Variants in PCDHGB4 observed in about 807,000 individuals in gnomAD.
The protein encoded by PCDHGB4 is protocadherin gamma-B4.
In PCDHGB4, 38 loss-of-function variants were observed where a neutral mutation model predicts 60.5. The observed-to-expected ratio is 0.63, with a 90% CI of 0.48 to 0.82. The LOEUF is 0.82. Among genes scored for constraint, PCDHGB4 ranks in the 40% least tolerant of loss-of-function variants. PCDHGB4 has a pLI of 0.00. For synonymous variants in PCDHGB4, 456 were observed against 509.7 expected (o/e 0.89, Z 1.42); for missense variants, 1,109 against 1,209.6 (o/e 0.92, Z 1.23).
In PCDHGB4 at chr5:141,388,796, A is replaced by G; in HGVS notation, c.912A>G (p.Thr304=). The change falls in exon 1 of 4, where the codon ACA becomes ACG. Residue 304 remains threonine, a synonymous_variant. Coordinates refer to ENST00000519479, the MANE Select transcript of PCDHGB4 (RefSeq NM_003736.4). ...CCGGGGAAATTACTGTTTTAAATAC[A>G]TTAGATTTTGAAGAAGTCAAAGAAT... ...SNTGEITVLN[T]LDFEEVKEYS... is the part of the protein sequence containing the mutation. The G allele has an allele frequency of 6.2e-7, 1 of 1,613,952 alleles. No individual in the cohort carries two copies. The highest frequency in any genetic ancestry group is 8.5e-7 in the Non-Finnish European group (1 of 1,179,848).
rs1591227595 is a variant in PCDHGB4 at position 141,432,858 on chromosome 5, T to C, written c.2397+42577T>C. ...TACCTGGTGGTAGCGGTGGCCGCGG[T>C]CTCCTGCGTCTTCCTGGCCTTCGTC... On this transcript the variant is annotated intron_variant, in intron 1 of 3. Coordinates refer to ENST00000519479, the MANE Select transcript of PCDHGB4 (RefSeq NM_003736.4). This position sits in a 1 kb window ranked among gnomAD's most constrained non-coding sequence, Gnocchi z 6.0. The C allele has an allele frequency of 1.2e-6, 2 of 1,614,140 alleles. No individual in the cohort carries two copies. Among genetic ancestry groups the C allele is most frequent in the Non-Finnish European group, 8.5e-7 (1 of 1,179,996 alleles).
chr5:141,421,784 G>C, intron 1 of PCDHGB4: 1 of 1,613,874 alleles, frequency 6.2e-7, no homozygotes, highest in Non-Finnish European at 8.5e-7. Context: ...CTGCGGGGCA[G>C]AACGGATGGG....
At chr5:141,415,828 G>A (rs1178303711) in intron 1 of PCDHGB4, 4 of 1,293,274 alleles carry the variant, frequency 3.1e-6, no homozygotes, top group Non-Finnish European at 3.0e-6. Flanking sequence ...ATAAGGCTTT[G>A]TTATGATTAG....
At position 141,389,550 on chromosome 5, in the gene PCDHGB4, A is replaced by T. The variant is rs767434946; in HGVS notation, c.1666A>T (p.Asn556Tyr). The T allele has an allele frequency of 3.7e-6, 6 of 1,613,098 alleles. No individual in the cohort carries two copies. The African/African-American group carries it at 4.0e-5, about 11-fold the overall frequency. Residue 556 changes from asparagine (N) to tyrosine (Y), a missense_variant, in exon 1 of 4, where the codon AAT (asparagine) becomes TAT (tyrosine). Asn to Tyr is a moderately radical substitution (Grantham distance 143). Transcript: ENST00000519479. ...LRVLVDDRND[N>Y]APRVLYPALG... ...CGTGTTAGTGGACGACCGCAACGAC[A>T]ATGCGCCACGGGTGCTGTACCCCGC...
rs768114504 is a variant in PCDHGB4, at chr5:141,388,897, A to G, written c.1013A>G (p.Glu338Gly). The stretch of plus-strand genomic sequence containing the variant: ...ACAGTGGAGGTAGAAGTCATAGATG[A>G]AAATGACAACGCCCCAGAAGTGATA... ...QCTVEVEVID[E>G]NDNAPEVIFQ... is the part of the protein sequence containing the mutation. Residue 338 changes from glutamate (E) to glycine (G), a missense_variant, in exon 1 of 4, where the codon GAA (glutamate) becomes GGA (glycine). Transcript: ENST00000519479. 1 of 1,613,994 alleles carries G rather than the reference A, an allele frequency of 6.2e-7. No individual in the cohort carries two copies. Among genetic ancestry groups the G allele is most frequent in the Non-Finnish European group, 8.5e-7 (1 of 1,179,856 alleles).
intron 1 of PCDHGB4, among the ~76,000 whole-genome samples, chr5:141,425,919 GA>G (rs2096903434): frequency 6.6e-6 from 1 of 152,056 alleles, no homozygotes; most frequent in African/African-American, 2.4e-5. Flanking sequence ...CAGTCACTAC[GA>G]AAACTCATAA....
chr5:141,430,383 G>GAAA (rs139772145), intron 1 of PCDHGB4, among the ~76,000 whole-genome samples: 2 of 138,566 alleles, frequency 1.4e-5, no homozygotes, highest in South Asian at 4.6e-4. Flanking sequence ...AGCTCATTGG[G>GAAA]AAAAAAAAAA....
chr5:141,505,255 C>T (rs2099844853), intron 2 of PCDHGB4, 138 bp from the exon 3 acceptor site: 1 of 1,481,112 alleles, frequency 6.8e-7, no homozygotes, highest in Admixed American at 2.1e-5. Context: ...AGAAGTGCCT[C>T]CTACCTTGCT....
Position 141,431,975 on chromosome 5 carries a change from A to G in PCDHGB4, c.2397+41694A>G. 1 of 1,614,218 alleles carries G rather than the reference A, an allele frequency of 6.2e-7. No individual in the cohort carries two copies. Among genetic ancestry groups the G allele is most frequent in the Non-Finnish European group, 8.5e-7 (1 of 1,180,022 alleles). ...TTACGGAAATTACTATAGTTTAGTC[A>G]CAGACATAGTCTTGGATAGGGAACA... On this transcript the variant is annotated intron_variant, in intron 1 of 3. Transcript: ENST00000519479. The surrounding 1 kb of genome is among the most constrained non-coding windows in gnomAD (Gnocchi z 4.8).
intron 1 of PCDHGB4, chr5:141,423,751 G>GGC: frequency 2.9e-6 from 1 of 349,040 alleles, no homozygotes; most frequent in African/African-American, 6.5e-5. Context: ...AAAACTGTTT[G>GGC]GGGGGGGGGT....
intron 1 of PCDHGB4, among the ~76,000 whole-genome samples, chr5:141,479,996 G>A (rs759188600): frequency 7.2e-5 from 11 of 152,244 alleles, no homozygotes; most frequent in Middle Eastern, 3.2e-3. Context: ...CTAGGAGTCT[G>A]TGGCCAAGTT....
At chr5:141,397,569 G>A (rs996927698) in intron 1 of PCDHGB4, among the ~76,000 whole-genome samples, 2 of 152,162 alleles carry the variant, frequency 1.3e-5, no homozygotes, top group Non-Finnish European at 2.9e-5. Context: ...CTGAGAGCAA[G>A]AACTGTATCA....
chr5:141,394,501 T>C (rs768158418), intron 1 of PCDHGB4: 1 of 1,614,216 alleles, frequency 6.2e-7, no homozygotes, highest in Admixed American at 1.7e-5. Context: ...CCCGAGATCC[T>C]GTACCCCGCC....
intron 2 of PCDHGB4, 99 bp from the exon 3 acceptor site, chr5:141,505,294 G>T: frequency 6.4e-7 from 1 of 1,572,086 alleles, no homozygotes; most frequent in Non-Finnish European, 8.6e-7. Context: ...GCATGGGGTA[G>T]GGTTAGGGTA....
Position 141,491,650 on chromosome 5 carries a change from G to C in PCDHGB4, c.2398-3157G>C, listed in dbSNP as rs1283977913. On this transcript the variant is annotated intron_variant, in intron 1 of 3. Coordinates refer to ENST00000519479, the MANE Select transcript of PCDHGB4 (RefSeq NM_003736.4). The surrounding 1 kb of genome is among the most constrained non-coding windows in gnomAD (Gnocchi z 6.9). ...TCAGCAGCCCACAGCTCTGGCGCTG[G>C]AGCCTGACGCCATCCGGTCCCGCTC... The C allele has an allele frequency of 6.2e-7, 1 of 1,613,876 alleles. No individual in the cohort carries two copies. The highest frequency in any genetic ancestry group is 1.7e-5 in the Admixed American group (1 of 60,034).
intron 2 of PCDHGB4, among the ~76,000 whole-genome samples, chr5:141,499,146 C>T (rs1415999012): frequency 1.3e-5 from 2 of 152,132 alleles, no homozygotes; most frequent in African/African-American, 4.8e-5. Flanking sequence ...GTGTCTGATC[C>T]CAATAGCTGT....
intron 1 of PCDHGB4, chr5:141,418,083 T>C: frequency 6.2e-7 from 1 of 1,614,068 alleles, no homozygotes; most frequent in Non-Finnish European, 8.5e-7. Context: ...AAGCTGCACT[T>C]CAGCGTAGAC....
intron 1 of PCDHGB4, among the ~76,000 whole-genome samples, chr5:141,448,931 C>G (rs966398044): frequency 1.3e-5 from 2 of 152,040 alleles, no homozygotes; most frequent in African/African-American, 4.8e-5. Context: ...GGCGACAGAG[C>G]AAGACTGCAA....
rs760617436 is a variant in PCDHGB4 at position 141,410,113 on chromosome 5, A to T, written c.2397+19832A>T. On this transcript the variant is annotated intron_variant, in intron 1 of 3. Transcript: ENST00000519479. The stretch of plus-strand genomic sequence containing the variant: ...CTCGAGCCTTAGGCGACAGGGACGC[A>T]GCCCGCCAGCGCCTGCTGGTCGCTG... 5 of 1,612,436 alleles carry T rather than the reference A, an allele frequency of 3.1e-6. No individual in the cohort carries two copies. The African/African-American group carries it at 6.7e-5, about 22-fold the overall frequency.
Sources: allele counts gnomAD v4.1 joint callset (sites outside exome capture counted in the v4.1 genomes callset), GRCh38; gene constraint gnomAD v4.1.1; non-coding constraint Gnocchi (gnomAD v3.1); transcripts MANE v1.5; gene names NCBI Gene and HGNC (gene_info 2026-07-23, HGNC 2026-07-21).